MFSD2B: variants seen among roughly 807,000 people sequenced by gnomAD.
The protein encoded by MFSD2B is sphingosine-1-phosphate transporter MFSD2B.
A neutral mutation model predicts 58.4 loss-of-function variants in MFSD2B; 56 were observed. The ratio of observed to expected loss-of-function variants is 0.96; its 90% confidence interval spans 0.77 to 1.20. The LOEUF is 1.20. Among genes scored for constraint, MFSD2B ranks in the 50% most tolerant of loss-of-function variants. The pLI is 0.00. For synonymous variants in MFSD2B, 287 were observed against 294.4 expected (o/e 0.97, Z 0.26); for missense variants, 645 against 667.6 (o/e 0.97, Z 0.37).
In MFSD2B at chr2:24,024,892, G is replaced by A. The variant is rs1008475830; in HGVS notation, c.1491-540G>A. ...ACCAGAACACCGACCCCACTGACGG[G>A]GAGGATCTACTCACTGTCTGACCTT... On this transcript the variant is annotated intron_variant, in intron 13 of 13. Coordinates refer to ENST00000338315, the MANE Select transcript of MFSD2B (RefSeq NM_001346880.2). The surrounding 1 kb of genome is among the most constrained non-coding windows in gnomAD (Gnocchi z 4.3). Among the ~76,000 whole-genome samples the A allele has an allele frequency of 3.3e-5, 5 of 152,050 alleles. No individual in the cohort carries two copies. Among genetic ancestry groups the A allele is most frequent in the Admixed American group, 3.3e-4 (5 of 15,254 alleles).
At position 24,023,104 on chromosome 2, in the gene MFSD2B, G is replaced by A. The variant is rs769634741; in HGVS notation, c.1060-26G>A. 2 of 1,588,436 alleles carry A rather than the reference G, an allele frequency of 1.3e-6. No individual in the cohort carries two copies. Among genetic ancestry groups the A allele is most frequent in the Non-Finnish European group, 8.6e-7 (1 of 1,160,780 alleles). ...GGCCCCACGAAGAAGCAGGTGGCGG[G>A]ACAGCTGGTGTGTGTGTCTCCCCAG... On this transcript the variant is annotated intron_variant, in intron 10 of 13. Coordinates refer to ENST00000338315, the MANE Select transcript of MFSD2B (RefSeq NM_001346880.2). The surrounding 1 kb of genome is among the most constrained non-coding windows in gnomAD (Gnocchi z 5.0).
Position 24,023,237 on chromosome 2 carries a change from C to G in MFSD2B, c.1167C>G (p.Pro389=), listed in dbSNP as rs1662864454. Residue 389 remains proline (P), a splice_region_variant and synonymous_variant, in exon 11 of 14, where the codon CCC becomes CCG. Transcript: ENST00000338315. This position sits in a 1 kb window ranked among gnomAD's most constrained non-coding sequence, Gnocchi z 5.0. ...GVSIAVSLLL[P]WSMLPDVVDD... is the part of the protein sequence containing the mutation. Reference sequence around the variant, plus strand: ...GCATTGCTGTGTCCTTGCTGCTACCCTGGTAGGCTGGGTGTGGGGGCCTCA... The same window carrying G: ...GCATTGCTGTGTCCTTGCTGCTACCGTGGTAGGCTGGGTGTGGGGGCCTCA... The G allele has an allele frequency of 6.2e-7, 1 of 1,612,644 alleles. No individual in the cohort carries two copies.
chr2:24,013,765 T>G (rs1335543351), intron 2 of MFSD2B, among the ~76,000 whole-genome samples: 1 of 151,912 alleles, frequency 6.6e-6, no homozygotes, highest in Non-Finnish European at 1.5e-5. Context: ...TTTTTGTTTT[T>G]TTTTTTTTTT....
intron 2 of MFSD2B, among the ~76,000 whole-genome samples, chr2:24,014,564 G>A (rs1344680229): frequency 2.0e-5 from 3 of 152,160 alleles, no homozygotes; most frequent in African/African-American, 7.2e-5. Flanking sequence ...TATACCAGTT[G>A]ACTTAGAGTG....
Position 24,025,434 on chromosome 2 carries a change from G to C in MFSD2B, c.1493G>C (p.Arg498Thr). The change falls in exon 14 of 14, where the codon AGG becomes ACG. Residue 498 changes from arginine to threonine, a missense_variant and splice_region_variant. Coordinates refer to ENST00000338315, the MANE Select transcript of MFSD2B (RefSeq NM_001346880.2). ...TTGGCTTCCTTCCCTTCCCACAGGA[G>C]GACCAGCTACAGCCTGGCCTAAAGC... ...DASSRLSLRR[R>T]TSYSLA is the part of the protein sequence containing the mutation. The C allele has an allele frequency of 1.3e-6, 2 of 1,536,098 alleles. No homozygotes were observed. Among genetic ancestry groups the C allele is most frequent in the Non-Finnish European group, 1.7e-6 (2 of 1,146,888 alleles).
Sources: gnomAD v4.1 joint callset for allele counts (sites outside exome capture counted in the v4.1 genomes callset) on GRCh38, gnomAD v4.1.1 for gene constraint, Gnocchi (gnomAD v3.1) non-coding constraint, MANE v1.5 for transcripts, NCBI Gene and HGNC (gene_info 2026-07-23, HGNC 2026-07-21) for gene names.